The following CNBD1 variants were observed in gnomAD, a reference collection of about 807,000 sequenced individuals.
CNBD1 encodes cyclic nucleotide-binding domain-containing protein 1.
A neutral mutation model predicts 54.4 loss-of-function variants in CNBD1; 71 were observed. The observed-to-expected ratio is 1.30, with a 90% CI of 1.08 to 1.59. CNBD1 has a LOEUF of 1.59. CNBD1 is among the 40% of genes most tolerant of loss of function. The probability of loss-of-function intolerance (pLI) is 0.00; values close to 1 mark genes in which losing one functional copy is unlikely to be tolerated. For missense variants in CNBD1, 659 were observed against 518.0 expected (o/e 1.27, Z -2.64); for synonymous variants, 182 against 170.7 (o/e 1.07, Z -0.51).
At chr8:87,185,463 A>C (rs1813453960) in intron 4 of CNBD1, among the ~76,000 whole-genome samples, 1 of 152,172 alleles carries the variant, frequency 6.6e-6, no homozygotes, top group Admixed American at 6.5e-5. Context: ...AAAATTAGTT[A>C]AGTTTATTGG....
At chr8:87,423,282 A>C (rs977900394) in intron 2 of CNBD1, among the ~76,000 whole-genome samples, 17 of 149,910 alleles carry the variant, frequency 1.1e-4, no homozygotes, top group Non-Finnish European at 1.8e-4. Flanking sequence ...TCTCCTGCCT[A>C]ATTGCCCTGG....
chr8:86,986,127 A>T (rs1165048655), intron 4 of CNBD1, among the ~76,000 whole-genome samples: 1 of 151,958 alleles, frequency 6.6e-6, no homozygotes. Context: ...ATAGGGTTTC[A>T]CCATGTTGGC....
intron 5 of CNBD1, among the ~76,000 whole-genome samples, chr8:87,211,341 T>C (rs1735137815): frequency 6.6e-6 from 1 of 152,174 alleles, no homozygotes; most frequent in African/African-American, 2.4e-5. Context: ...GAGTTAATGA[T>C]GGAGCAAGTT....
chr8:87,179,194 A>T (rs563439561), intron 4 of CNBD1, among the ~76,000 whole-genome samples: 2 of 152,318 alleles, frequency 1.3e-5, no homozygotes, highest in South Asian at 4.1e-4. Flanking sequence ...AAACAGAAGG[A>T]TTTAAAGACT....
chr8:87,396,654 C>G (rs2130973822), intron 2 of CNBD1, among the ~76,000 whole-genome samples: 2 of 151,612 alleles, frequency 1.3e-5, no homozygotes, highest in Admixed American at 1.3e-4. Flanking sequence ...CCTATTATAG[C>G]TCTTATCTGT....
intron 5 of CNBD1, among the ~76,000 whole-genome samples, chr8:87,217,822 A>G (rs368693273): frequency 6.6e-6 from 1 of 152,114 alleles, no homozygotes; most frequent in African/African-American, 2.4e-5. Context: ...CCAGGGATAT[A>G]TTTTAAAATC....
At chr8:87,330,795 C>A (rs866367535) in intron 8 of CNBD1, among the ~76,000 whole-genome samples, 2 of 151,738 alleles carry the variant, frequency 1.3e-5, no homozygotes, top group Admixed American at 1.3e-4. Context: ...TCAATTTTAC[C>A]AAATGATTGA....
intron 8 of CNBD1, among the ~76,000 whole-genome samples, chr8:87,317,183 TTC>T (rs1263424702): frequency 6.6e-6 from 1 of 151,786 alleles, no homozygotes; most frequent in Non-Finnish European, 1.5e-5. Context: ...CCATTGATTT[TTC>T]TCTTTCGTTG....
intron 5 of CNBD1, among the ~76,000 whole-genome samples, chr8:87,229,308 A>T (rs147078245): frequency 1.3e-5 from 2 of 151,998 alleles, no homozygotes; most frequent in African/African-American, 4.8e-5. Context: ...TTTTTTTTTA[A>T]ATACATGAAA....
At chr8:86,875,711 C>A (rs1808510544) in intron 1 of CNBD1, among the ~76,000 whole-genome samples, 1 of 151,920 alleles carries the variant, frequency 6.6e-6, no homozygotes, top group South Asian at 2.1e-4. Context: ...AAACATGATT[C>A]TGTCTTTTGG....
intron 1 of CNBD1, among the ~76,000 whole-genome samples, chr8:86,882,309 G>C (rs1261626236): frequency 6.6e-6 from 1 of 151,810 alleles, no homozygotes; most frequent in Non-Finnish European, 1.5e-5. Flanking sequence ...CATCTATAAG[G>C]AACTTAAACA....
At chr8:87,222,216 G>GA (rs948360761) in intron 5 of CNBD1, among the ~76,000 whole-genome samples, 12 of 149,700 alleles carry the variant, frequency 8.0e-5, no homozygotes, top group African/African-American at 2.2e-4. Context: ...GAATTCTAAG[G>GA]AAAAAAAAAG....
chr8:87,266,277 TC>T (rs1307842255), intron 6 of CNBD1, among the ~76,000 whole-genome samples: 1 of 151,364 alleles, frequency 6.6e-6, no homozygotes, highest in Non-Finnish European at 1.5e-5. Flanking sequence ...ACACTAGATA[TC>T]CCTAAAGAAG....
At chr8:87,045,764 A>G (rs1443562962) in intron 4 of CNBD1, among the ~76,000 whole-genome samples, 2 of 145,426 alleles carry the variant, frequency 1.4e-5, no homozygotes, top group African/African-American at 5.2e-5. Flanking sequence ...TGTGCCGGCC[A>G]GGCATGGTGG....
intron 1 of CNBD1, among the ~76,000 whole-genome samples, chr8:86,884,039 C>A (rs1026342620): frequency 9.3e-5 from 14 of 151,268 alleles, no homozygotes; most frequent in Non-Finnish European, 1.6e-4. Context: ...GTAGTCCCAG[C>A]TACTTGGGAG....
intron 3 of CNBD1, among the ~76,000 whole-genome samples, chr8:86,909,360 C>T (rs372943570): frequency 5.9e-5 from 9 of 152,266 alleles, no homozygotes; most frequent in African/African-American, 1.9e-4. Flanking sequence ...ACTTCACTAA[C>T]TTTTGATATT....
intron 4 of CNBD1, among the ~76,000 whole-genome samples, chr8:87,198,404 T>C (rs899478626): frequency 1.3e-5 from 2 of 152,176 alleles, no homozygotes; most frequent in Non-Finnish European, 2.9e-5. Context: ...GTTCCCCTAT[T>C]ATATTATTCG....
chr8:86,932,821 G>A (rs536201881), intron 3 of CNBD1, among the ~76,000 whole-genome samples: 56 of 152,152 alleles, frequency 3.7e-4, no homozygotes, highest in African/African-American at 1.2e-3. Flanking sequence ...AACTGCCTAT[G>A]GTTTTGTTCT....
chr8:87,096,068 T>C (rs1488883922), intron 4 of CNBD1, among the ~76,000 whole-genome samples: 1 of 152,224 alleles, frequency 6.6e-6, no homozygotes, highest in Non-Finnish European at 1.5e-5. Flanking sequence ...CCTGGAATCA[T>C]CCTTACACTC....
Sources: gnomAD v4.1 joint callset for allele counts (sites outside exome capture counted in the v4.1 genomes callset) on GRCh38, gnomAD v4.1.1 for gene constraint, MANE v1.5 for transcripts, NCBI Gene and HGNC (gene_info 2026-07-23, HGNC 2026-07-21) for gene names.